Variants in MDN1 observed in about 807,000 individuals in gnomAD.
MDN1 encodes the protein midasin.
Under a neutral mutation model 669.2 loss-of-function variants are expected in MDN1, and 266 were observed. That is an observed-to-expected ratio of 0.40 (90% CI 0.36 to 0.44). The LOEUF (loss-of-function observed/expected upper bound fraction) is 0.44. Ranked by LOEUF, MDN1 falls within the 20% of genes least tolerant of loss-of-function variation. The pLI is 1.00. For missense variants in MDN1, 5,940 were observed against 6,754.0 expected, an observed-to-expected ratio of 0.88 and a Z score of 4.22; for synonymous variants, 2,385 against 2,457.1, an observed-to-expected ratio of 0.97 and a Z score of 0.87.
intron 15 of MDN1, among the ~76,000 whole-genome samples, chr6:89,763,177 A>C (rs1052096922): frequency 2.6e-5 from 4 of 152,198 alleles, no homozygotes; most frequent in Non-Finnish European, 4.4e-5. Context: ...ATATTTCATT[A>C]AGGTTGACCA....
chr6:89,652,932 AATTTT>A (rs1317482839), intron 94 of MDN1, 55 bp downstream of exon 94: 24 of 1,517,202 alleles, frequency 1.6e-5, no homozygotes, highest in Middle Eastern at 1.8e-4. Context: ...ACCAGTTTAA[AATTTT>A]ATTTTGTTAA....
chr6:89,700,645 C>T lies in MDN1; in HGVS notation c.8638+1G>A. ...GCTAGCCAAGTGCTAGAATATTTTA[C>T]CTAGGCTGACATCTTCCAAAATATT... On this transcript the variant is annotated splice_donor_variant, in intron 56 of 101. Coordinates refer to ENST00000369393, the MANE Select transcript of MDN1 (RefSeq NM_014611.3). LOFTEE classifies it high-confidence loss of function. The T allele has an allele frequency of 6.2e-7, 1 of 1,613,780 alleles. No individual in the cohort carries two copies. Among genetic ancestry groups the T allele is most frequent in the Non-Finnish European group, 8.5e-7 (1 of 1,179,694 alleles).
At chr6:89,648,424 A>T in intron 97 of MDN1, 95 bp from the exon 98 acceptor site, 1 of 1,244,894 alleles carries the variant, frequency 8.0e-7, no homozygotes, top group Non-Finnish European at 1.2e-6. Context: ...CAAAGAAAAC[A>T]TTTTTTTGTT....
chr6:89,751,331 T>C (rs1816934884), intron 23 of MDN1, 100 bp downstream of exon 23: 1 of 1,394,966 alleles, frequency 7.2e-7, no homozygotes, highest in African/African-American at 1.4e-5. Flanking sequence ...GGCCAATGAA[T>C]AAGAATAAAG....
chr6:89,771,677 C>A, intron 14 of MDN1, 56 bp from the exon 15 acceptor site: 1 of 1,402,542 alleles, frequency 7.1e-7, no homozygotes, highest in East Asian at 2.3e-5. Context: ...CCGATAATAT[C>A]CAGTGTGCTC....
chr6:89,741,086 G>A (rs1033459051), intron 31 of MDN1, among the ~76,000 whole-genome samples: 8 of 152,152 alleles, frequency 5.3e-5, no homozygotes, highest in Non-Finnish European at 1.0e-4. Flanking sequence ...ACAAAAATTA[G>A]CAGACTGTGC....
chr6:89,696,902 A>C (rs1239184165), intron 59 of MDN1, among the ~76,000 whole-genome samples: 1 of 152,318 alleles, frequency 6.6e-6, no homozygotes, highest in East Asian at 1.9e-4. Context: ...AAGGAGTGAG[A>C]GACAGATGTA....
rs2128327303 is a variant in MDN1, at chr6:89,794,609, A to G, written c.522T>C (p.Pro174=). The part of the protein sequence containing the change: ...RELWDWSVCV[P]LLRSHDTLVR... ...CCAAGGTGTCATGGCTTCTGAGGAG[A>G]GGGACACACACACTCCAGTCCCAGA... Residue 174 remains proline, a synonymous_variant, in exon 3 of 102, where the codon CCT becomes CCC. Transcript: ENST00000369393. The G allele has an allele frequency of 1.2e-6, 2 of 1,613,426 alleles. No individual in the cohort carries two copies. The highest frequency in any genetic ancestry group is 2.2e-5 in the East Asian group (1 of 44,886).
chr6:89,714,435 T>C (rs1382821301), intron 46 of MDN1, 108 bp downstream of exon 46: 16 of 1,044,764 alleles, frequency 1.5e-5, no homozygotes, highest in Non-Finnish European at 2.2e-5. Flanking sequence ...TTCCTGATAA[T>C]TTCTATATAC....
At position 89,644,063 on chromosome 6, in the gene MDN1, G is replaced by A. The variant is rs372541664; in HGVS notation, c.16733C>T (p.Thr5578Ile). Residue 5578 changes from threonine (T) to isoleucine (I), a missense_variant, in exon 102 of 102, where the codon ACA becomes ATA. By Grantham distance (89) the Thr-to-Ile change is moderately conservative. Coordinates refer to ENST00000369393, the MANE Select transcript of MDN1 (RefSeq NM_014611.3). ...ILRDVNALPE[T>I]LSDALRQWFE... ...CCACTGTCTGAGGGCATCGCTGAGT[G>A]TCTCAGGAAGTGCGTTTACATCTCG... 13 of 1,614,010 alleles carry A rather than the reference G, an allele frequency of 8.1e-6. No homozygotes were observed. The highest frequency in any genetic ancestry group is 1.1e-5 in the Non-Finnish European group (13 of 1,180,032).
Position 89,643,101 on chromosome 6 carries a change from G to C in MDN1, c.*904C>G, listed in dbSNP as rs933602710. On this transcript the variant is annotated 3_prime_UTR_variant, in exon 102 of 102. Coordinates refer to ENST00000369393, the MANE Select transcript of MDN1 (RefSeq NM_014611.3). ...AACTGCCTAAAGATCAGTTTCTTTCGACTGGAAAAAATAGATGGAGCTGCT... is the reference window on the plus strand; with the variant it reads ...AACTGCCTAAAGATCAGTTTCTTTCCACTGGAAAAAATAGATGGAGCTGCT... 1 of 152,120 alleles carries C rather than the reference G, an allele frequency of 6.6e-6. No homozygotes were observed. Among genetic ancestry groups the C allele is most frequent in the African/African-American group, 2.4e-5 (1 of 41,424 alleles). The allele number at this position is 152,120 out of a possible 1,614,324, so 9.4% of individuals were successfully genotyped here.
intron 15 of MDN1, among the ~76,000 whole-genome samples, chr6:89,770,164 G>A (rs1040876632): frequency 7.9e-5 from 12 of 152,018 alleles, no homozygotes; most frequent in African/African-American, 2.9e-4. Context: ...CCAGCAATTT[G>A]GGAGGCCGAG....
chr6:89,755,648 C>T (rs1817207118), intron 20 of MDN1, among the ~76,000 whole-genome samples: 1 of 152,170 alleles, frequency 6.6e-6, no homozygotes, highest in Admixed American at 6.5e-5. Flanking sequence ...AATCCTTTTA[C>T]ATGTTGTATT....
Position 89,706,097 on chromosome 6 carries a change from A to G in MDN1, c.8110T>C (p.Ser2704Pro). The change falls in exon 53 of 102, where the codon TCC becomes CCC. Residue 2704 changes from serine (S) to proline (P), a missense_variant. By Grantham distance (74) the Ser-to-Pro change is moderately conservative. Around this residue, in one of 5 missense-constraint regions of MDN1, gnomAD observed 2,292 missense variants for 2,638.3 expected, o/e 0.87. Transcript: ENST00000369393. ...GCATCAGACACCATTCCCTGGGAGG[A>G]CTGTACCCAGAGCAGGACTAGTGCA... ...CDALVLLWVQ[S>P]SQGMVSDASA... 1 of 1,612,060 alleles carries G rather than the reference A, an allele frequency of 6.2e-7. No homozygotes were observed. The highest frequency in any genetic ancestry group is 2.2e-5 in the East Asian group (1 of 44,862).
At position 89,743,679 on chromosome 6, in the gene MDN1, G is replaced by T. The variant is rs748501938; in HGVS notation, c.4214C>A (p.Ala1405Asp). Reference protein sequence around the residue: ...GKTTICQVFAALANQKLYSVS... With the variant: ...GKTTICQVFADLANQKLYSVS... ...AGAGTATAATTTCTGATTTGCCAAGGCTGCAAATACCTGACAGATAGTAGT... is the reference window on the plus strand; with the variant it reads ...AGAGTATAATTTCTGATTTGCCAAGTCTGCAAATACCTGACAGATAGTAGT... The change falls in exon 30 of 102, where the codon GCC becomes GAC. Residue 1405 changes from alanine to aspartate, a missense_variant. Coordinates refer to ENST00000369393, the MANE Select transcript of MDN1 (RefSeq NM_014611.3). The T allele has an allele frequency of 2.5e-6, 4 of 1,613,940 alleles. No homozygotes were observed. In the African/African-American group the frequency reaches 5.3e-5, roughly 22 times the overall value.
In MDN1 at chr6:89,715,654, T is replaced by G. The variant is rs760637186; in HGVS notation, c.6859A>C (p.Arg2287=). 1.3e-6 allele frequency: 2 copies of G among 1,579,192 alleles called. No homozygotes were observed. The highest frequency in any genetic ancestry group is 2.2e-5 in the South Asian group (2 of 90,336). Residue 2287 remains arginine, a splice_region_variant and synonymous_variant, in exon 45 of 102, where the codon AGA becomes CGA. Transcript: ENST00000369393. ...TPTITPNPNF[R]LFLSMDPVHG... ...CAGAAATGTAAGAGATACAAATACC[T>G]GAAATTGGGATTTGGTGTTATCGTG...
chr6:89,655,425 A>G (rs773257475), intron 92 of MDN1, among the ~76,000 whole-genome samples: 1 of 152,224 alleles, frequency 6.6e-6, no homozygotes, highest in Non-Finnish European at 1.5e-5. Context: ...GATGTGAACA[A>G]CTTATTTTTA....
At chr6:89,751,174 T>A (rs1816923604) in intron 23 of MDN1, among the ~76,000 whole-genome samples, 1 of 152,166 alleles carries the variant, frequency 6.6e-6, no homozygotes, top group Admixed American at 6.5e-5. Flanking sequence ...ATCTGTGGTA[T>A]TTATCAGCAA....
intron 8 of MDN1, among the ~76,000 whole-genome samples, chr6:89,786,606 T>A (rs1818972135): frequency 6.6e-6 from 1 of 150,986 alleles, no homozygotes; most frequent in African/African-American, 2.4e-5. Flanking sequence ...ACACTGTCTC[T>A]AAAAAATAAA....
Sources: allele counts gnomAD v4.1 joint callset (sites outside exome capture counted in the v4.1 genomes callset), GRCh38; gene constraint gnomAD v4.1.1; regional missense constraint gnomAD v4.1.1; transcripts MANE v1.5; gene names NCBI Gene and HGNC (gene_info 2026-07-23, HGNC 2026-07-21).